PARD3B: variants seen among roughly 807,000 people sequenced by gnomAD.
PARD3B encodes the protein partitioning defective 3 homolog B.
A neutral mutation model predicts 130.2 loss-of-function variants in PARD3B; 103 were observed. That is an observed-to-expected ratio of 0.79 (90% CI 0.67 to 0.93). The LOEUF is 0.93. Among genes scored for constraint, PARD3B ranks in the 40% least tolerant of loss-of-function variants. The probability of loss-of-function intolerance (pLI) is 0.00; values close to 1 mark genes in which losing one functional copy is unlikely to be tolerated. For synonymous variants in PARD3B, 583 were observed against 553.2 expected (o/e 1.05, Z -0.76); for missense variants, 1,609 against 1,499.2 (o/e 1.07, Z -1.21).
intron 16 of PARD3B, among the ~76,000 whole-genome samples, chr2:205,295,258 G>A (rs1051685948): frequency 3.3e-5 from 5 of 152,138 alleles, no homozygotes; most frequent in South Asian, 2.1e-4. Context: ...CAGGAAAGGC[G>A]TTTCTATTGT....
intron 3 of PARD3B, among the ~76,000 whole-genome samples, chr2:205,016,389 C>T (rs1213088812): frequency 3.3e-5 from 5 of 152,128 alleles, no homozygotes; most frequent in African/African-American, 4.8e-5. Context: ...GCCTTCTTCA[C>T]GTACCTTCAC....
rs1386099974 is a variant in PARD3B at position 205,125,922 on chromosome 2, G to A, written c.1434+185G>A. Among the ~76,000 whole-genome samples, 2 of 152,180 alleles carry A rather than the reference G, an allele frequency of 1.3e-5. No homozygotes were observed. Among genetic ancestry groups the A allele is most frequent in the African/African-American group, 4.8e-5 (2 of 41,432 alleles). On this transcript the variant is annotated intron_variant, in intron 10 of 22. Transcript: ENST00000406610. The surrounding 1 kb of genome is among the most constrained non-coding windows in gnomAD (Gnocchi z 4.0). ...TTTAAAACATTGATACAGCCAGTGG[G>A]TATATGTAAACAGTGATTCCGGGGC... is the stretch of plus-strand genomic sequence containing the variant.
intron 3 of PARD3B, among the ~76,000 whole-genome samples, chr2:205,031,357 C>A (rs1170611752): frequency 6.6e-6 from 1 of 152,114 alleles, no homozygotes; most frequent in African/African-American, 2.4e-5. Flanking sequence ...CTTATAAGGG[C>A]AATTCCTCCT....
At chr2:205,394,211 A>G (rs960507777) in intron 18 of PARD3B, among the ~76,000 whole-genome samples, 1 of 152,146 alleles carries the variant, frequency 6.6e-6, no homozygotes, top group Non-Finnish European at 1.5e-5. Context: ...ATATAACAAC[A>G]TTAAGGAGGT....
chr2:204,991,795 A>G (rs376656026), intron 3 of PARD3B, among the ~76,000 whole-genome samples: 1 of 151,216 alleles, frequency 6.6e-6, no homozygotes, highest in Non-Finnish European at 1.5e-5. Flanking sequence ...GGTATCTCAT[A>G]GTGGTTTTGA....
intron 4 of PARD3B, among the ~76,000 whole-genome samples, chr2:205,073,769 A>G (rs1700881175): frequency 1.3e-5 from 2 of 152,296 alleles, no homozygotes; most frequent in African/African-American, 2.4e-5. Flanking sequence ...CCCTAGGCAC[A>G]TGTATGACAT....
At chr2:204,940,222 T>C (rs147194565) in intron 2 of PARD3B, among the ~76,000 whole-genome samples, 48 of 152,284 alleles carry the variant, frequency 3.2e-4, no homozygotes, top group Admixed American at 7.8e-4. Context: ...ACCATGCCAG[T>C]TGTTGGACAA....
At chr2:204,817,933 G>A (rs1211576609) in intron 2 of PARD3B, among the ~76,000 whole-genome samples, 3 of 152,056 alleles carry the variant, frequency 2.0e-5, no homozygotes, top group Non-Finnish European at 4.4e-5. Context: ...TTTCAGGCAA[G>A]CAGATTAAAT....
chr2:204,577,846 A>G (rs2032348417), intron 1 of PARD3B, among the ~76,000 whole-genome samples: 1 of 152,082 alleles, frequency 6.6e-6, no homozygotes, highest in Non-Finnish European at 1.5e-5. Context: ...GGGATTATAG[A>G]CATCAGCCAC....
intron 21 of PARD3B, among the ~76,000 whole-genome samples, chr2:205,503,390 C>CTTT (rs75071561): frequency 3.4e-5 from 5 of 145,802 alleles, no homozygotes; most frequent in African/African-American, 1.3e-4. Flanking sequence ...ATACTTTGTT[C>CTTT]TTTTTTTTTT....
chr2:205,062,594 G>C (rs966005613), intron 4 of PARD3B, among the ~76,000 whole-genome samples: 11 of 152,216 alleles, frequency 7.2e-5, no homozygotes, highest in African/African-American at 2.4e-4. Flanking sequence ...TATCTTTGCA[G>C]GCCAGCAGTA....
intron 2 of PARD3B, among the ~76,000 whole-genome samples, chr2:204,734,013 T>C (rs994205821): frequency 7.2e-5 from 11 of 152,184 alleles, no homozygotes; most frequent in Non-Finnish European, 1.0e-4. Context: ...AGAAAATATT[T>C]GCAAAGCGTA....
At chr2:205,056,519 G>A (rs538490565) in intron 4 of PARD3B, among the ~76,000 whole-genome samples, 1 of 151,950 alleles carries the variant, frequency 6.6e-6, no homozygotes, top group South Asian at 2.1e-4. Context: ...ACATCTGGAG[G>A]GAGTTAGTTT....
At chr2:205,578,690 A>T (rs376608428) in intron 22 of PARD3B, among the ~76,000 whole-genome samples, 9 of 152,236 alleles carry the variant, frequency 5.9e-5, no homozygotes, top group African/African-American at 2.2e-4. Context: ...GCTGACCATG[A>T]TATATCCAGA....
intron 21 of PARD3B, among the ~76,000 whole-genome samples, chr2:205,547,377 A>G (rs1051534251): frequency 6.6e-6 from 1 of 152,208 alleles, no homozygotes; most frequent in South Asian, 2.1e-4. Flanking sequence ...TGCAGACTTT[A>G]TAGTGGTCTC....
At chr2:204,847,743 A>G (rs1007016593) in intron 2 of PARD3B, among the ~76,000 whole-genome samples, 2 of 152,132 alleles carry the variant, frequency 1.3e-5, no homozygotes, top group African/African-American at 4.8e-5. Context: ...ACGTCCCTGA[A>G]GCATAAGTGT....
chr2:204,799,539 T>C lies in PARD3B; in HGVS notation c.222+113257T>C, dbSNP rs148881312. On this transcript the variant is annotated intron_variant, in intron 2 of 22. Transcript: ENST00000406610. This position sits in a 1 kb window ranked among gnomAD's most constrained non-coding sequence, Gnocchi z 4.1. ...TGAGTGAACATTCACAGCCAGACAG[T>C]GGTCACTGTGGGTCTTTGGAGAGAC... Among the ~76,000 whole-genome samples, 227 of 152,270 alleles carry C rather than the reference T, an allele frequency of 1.5e-3. 1 individual carries two copies. The highest frequency in any genetic ancestry group is 5.1e-3 in the African/African-American group (210 of 41,554).
chr2:205,150,211 C>CTGTGTGTGTGTGTG (rs71409001), intron 10 of PARD3B, among the ~76,000 whole-genome samples: 18 of 134,278 alleles, frequency 1.3e-4, no homozygotes, highest in African/African-American at 5.1e-4. Context: ...CAGCCAGGCT[C>CTGTGTGTGTGTGTG]TGTGTGTGTG....
intron 4 of PARD3B, among the ~76,000 whole-genome samples, chr2:205,073,904 G>C (rs1700887895): frequency 6.6e-6 from 1 of 152,128 alleles, no homozygotes; most frequent in Non-Finnish European, 1.5e-5. Flanking sequence ...TGAAGCTGTA[G>C]GGCTGATTCT....
Sources: gnomAD v4.1 joint callset for allele counts (sites outside exome capture counted in the v4.1 genomes callset) on GRCh38, gnomAD v4.1.1 for gene constraint, Gnocchi (gnomAD v3.1) non-coding constraint, MANE v1.5 for transcripts, NCBI Gene and HGNC (gene_info 2026-07-23, HGNC 2026-07-21) for gene names.